Variants in NFKB2 observed in about 807,000 individuals in gnomAD.
NFKB2 encodes the protein nuclear factor NF-kappa-B p100 subunit.
Under a neutral mutation model 109.3 loss-of-function variants are expected in NFKB2, and 21 were observed. That is an observed-to-expected ratio of 0.19 (90% CI 0.14 to 0.28). The LOEUF (loss-of-function observed/expected upper bound fraction) is 0.28. Ranked by LOEUF, NFKB2 falls within the 10% of genes least tolerant of loss-of-function variation. The probability of loss-of-function intolerance (pLI) is 1.00; values close to 1 mark genes in which losing one functional copy is unlikely to be tolerated. For missense variants in NFKB2, 806 were observed against 1,185.3 expected (o/e 0.68, Z 4.70); for synonymous variants, 478 against 489.9 (o/e 0.98, Z 0.32).
At position 102,401,360 on chromosome 10, in the gene NFKB2, C is replaced by G; in HGVS notation, c.2223+29C>G. 6.2e-7 allele frequency: 1 copy of G among 1,609,510 alleles called. No homozygotes were observed. The highest frequency in any genetic ancestry group is 8.5e-7 in the Non-Finnish European group (1 of 1,177,136). On this transcript the variant is annotated intron_variant, in intron 19 of 22. Coordinates refer to ENST00000661543, the MANE Select transcript of NFKB2 (RefSeq NM_001322934.2). This position sits in a 1 kb window ranked among gnomAD's most constrained non-coding sequence, Gnocchi z 4.2. Reference sequence around the variant, plus strand: ...AGGCCAGCCCGGGACTAGAAGTGCTCTGAGTGACGGGGTCCAGAGTATCTG... The same window carrying G: ...AGGCCAGCCCGGGACTAGAAGTGCTGTGAGTGACGGGGTCCAGAGTATCTG...
Position 102,398,932 on chromosome 10 carries a change from G to T in NFKB2, c.1117+68G>T, listed in dbSNP as rs905117708. ...CTGTGGAGGAAAAAAATCTGGGGGA[G>T]GCCGGGCGTGGTGGCTCACGCCTGT... On this transcript the variant is annotated intron_variant, in intron 12 of 22. Transcript: ENST00000661543. The surrounding 1 kb of genome is among the most constrained non-coding windows in gnomAD (Gnocchi z 6.6). 4 of 1,518,746 alleles carry T rather than the reference G, an allele frequency of 2.6e-6. No homozygotes were observed. The highest frequency in any genetic ancestry group is 2.5e-5 in the South Asian group (2 of 80,288). The allele number at this position is 1,518,746 out of a possible 1,614,324, so 94.1% of individuals were successfully genotyped here.
Position 102,399,589 on chromosome 10 carries a change from A to G in NFKB2, c.1340A>G (p.Asn447Ser), listed in dbSNP as rs1209220432. The change falls in exon 14 of 23, where the codon AAC becomes AGC. Residue 447 changes from asparagine to serine, a missense_variant. This residue lies in a region of NFKB2 where 209 missense variants were observed against 211.9 expected (regional missense o/e 0.99). Transcript: ENST00000661543. ...PEMLQRAREY[N>S]ARLFGLAQRS... ...CTGTGGCCCGTAGCTCGAGAGTACA[A>G]CGCGCGCCTGTTCGGCCTGGCGCAG... 18 of 1,550,942 alleles carry G rather than the reference A, an allele frequency of 1.2e-5. No homozygotes were observed. In the South Asian group the frequency reaches 1.3e-4, roughly 11 times the overall value.
chr10:102,399,579 C>G lies in NFKB2; in HGVS notation c.1330C>G (p.Arg444Gly). The part of the protein sequence containing the change: ...PQAPEMLQRA[R>G]EYNARLFGLA... ...CCCACGCCCTCTGTGGCCCGTAGCT[C>G]GAGAGTACAACGCGCGCCTGTTCGG... Residue 444 changes from arginine to glycine, a missense_variant and splice_region_variant, in exon 14 of 23, where the codon CGA becomes GGA. Coordinates refer to ENST00000661543, the MANE Select transcript of NFKB2 (RefSeq NM_001322934.2). The G allele has an allele frequency of 6.4e-7, 1 of 1,550,730 alleles. No homozygotes were observed. Among genetic ancestry groups the G allele is most frequent in the Non-Finnish European group, 8.7e-7 (1 of 1,147,706 alleles).
In NFKB2 at chr10:102,401,693, C is replaced by A; in HGVS notation, c.2294-52C>A. ...AAAGGCAGTGTTCAGGTGTCCATGT[C>A]CCCACCCAACTCTGGAGGTAAATGA... On this transcript the variant is annotated intron_variant, in intron 20 of 22. Coordinates refer to ENST00000661543, the MANE Select transcript of NFKB2 (RefSeq NM_001322934.2). This position sits in a 1 kb window ranked among gnomAD's most constrained non-coding sequence, Gnocchi z 4.2. 6.4e-7 allele frequency: 1 copy of A among 1,558,910 alleles called. No individual in the cohort carries two copies. The highest frequency in any genetic ancestry group is 1.4e-5 in the African/African-American group (1 of 73,786).
In NFKB2 at chr10:102,401,896, C is replaced by T; in HGVS notation, c.2445C>T (p.Gly815=). The T allele has an allele frequency of 6.2e-7, 1 of 1,612,872 alleles. No individual in the cohort carries two copies. The highest frequency in any genetic ancestry group is 8.5e-7 in the Non-Finnish European group (1 of 1,179,498). Residue 815 remains glycine, a synonymous_variant, in exon 21 of 23, where the codon GGC becomes GGT. Transcript: ENST00000661543. This position sits in a 1 kb window ranked among gnomAD's most constrained non-coding sequence, Gnocchi z 4.2. Reference sequence around the variant, plus strand: ...ACCGACAGACAACCTCACCCAGTGGCAGCCTCCTGCGCAGCTACGAGGTGG... The same window carrying T: ...ACCGACAGACAACCTCACCCAGTGGTAGCCTCCTGCGCAGCTACGAGGTGG... The part of the protein sequence containing the change: ...DTYRQTTSPS[G]SLLRSYELAG...
At position 102,396,711 on chromosome 10, in the gene NFKB2, C is replaced by T; in HGVS notation, c.145-14C>T. The T allele has an allele frequency of 1.9e-6, 3 of 1,609,136 alleles. No homozygotes were observed. The highest frequency in any genetic ancestry group is 1.3e-5 in the African/African-American group (1 of 74,928). On this transcript the variant is annotated splice_polypyrimidine_tract_variant and intron_variant, in intron 4 of 22. Transcript: ENST00000661543. This position sits in a 1 kb window ranked among gnomAD's most constrained non-coding sequence, Gnocchi z 5.9. ...TTCCCTGATCACAATGCTACTATGC[C>T]CTTGGACCTTCAGAGAGGCTTCCGA...
rs759518899 is a variant in NFKB2 at position 102,402,093 on chromosome 10, A to T, written c.2512A>T (p.Met838Leu). The T allele has an allele frequency of 1.0e-5, 16 of 1,577,874 alleles. No homozygotes were observed. The highest frequency in any genetic ancestry group is 1.3e-5 in the African/African-American group (1 of 74,188). Residue 838 changes from methionine to leucine, a missense_variant, in exon 22 of 23, where the codon ATG becomes TTG. This residue lies in a region of NFKB2 where 211 missense variants were observed against 268.7 expected (regional missense o/e 0.79). Coordinates refer to ENST00000661543, the MANE Select transcript of NFKB2 (RefSeq NM_001322934.2). ...LAGLLEALSD[M>L]GLEEGVRLLR... ...AGGTCTACTGGAGGCCCTGTCTGAC[A>T]TGGGCCTAGAGGAGGGAGTGAGGCT... is the stretch of plus-strand genomic sequence containing the variant.
Position 102,398,956 on chromosome 10 carries a change from G to C in NFKB2, c.1117+92G>C. ...AGGCCGGGCGTGGTGGCTCACGCCT[G>C]TAATCCAGCCCTTTGGGAGGCCAAG... On this transcript the variant is annotated intron_variant, in intron 12 of 22. Transcript: ENST00000661543. This position sits in a 1 kb window ranked among gnomAD's most constrained non-coding sequence, Gnocchi z 6.6. The C allele has an allele frequency of 7.2e-7, 1 of 1,395,762 alleles. No individual in the cohort carries two copies. Among genetic ancestry groups the C allele is most frequent in the Non-Finnish European group, 9.7e-7 (1 of 1,026,690 alleles). 86.5% of individuals were successfully genotyped at this position (1,395,762 alleles called of 1,614,324 possible). A position where few individuals can be genotyped will look rare whatever the true frequency, so the allele number is the denominator to read the frequency against.
rs200872511 is a variant in NFKB2 at position 102,401,468 on chromosome 10, A to C, written c.2243A>C (p.Asn748Thr). ...CSTKVKTLLL[N>T]AAQNTMEPPL... ...CCCCAGGTGAAGACCTTGCTGCTAA[A>C]TGCTGCTCAGAACACCATGGAGCCA... is the stretch of plus-strand genomic sequence containing the variant. The change falls in exon 20 of 23, where the codon AAT (asparagine) becomes ACT (threonine). Residue 748 changes from asparagine to threonine, a missense_variant. Physicochemically the swap from Asn to Thr is moderately conservative, Grantham distance 65. Around this residue, in one of 10 missense-constraint regions of NFKB2, gnomAD observed 211 missense variants for 268.7 expected, o/e 0.79. Coordinates refer to ENST00000661543, the MANE Select transcript of NFKB2 (RefSeq NM_001322934.2). This position sits in a 1 kb window ranked among gnomAD's most constrained non-coding sequence, Gnocchi z 4.2. 1 of 1,613,844 alleles carries C rather than the reference A, an allele frequency of 6.2e-7. No individual in the cohort carries two copies. The highest frequency in any genetic ancestry group is 8.5e-7 in the Non-Finnish European group (1 of 1,179,950).
chr10:102,398,121 C>A lies in NFKB2; in HGVS notation c.766+36C>A. The A allele has an allele frequency of 1.9e-6, 3 of 1,612,662 alleles. No homozygotes were observed. Among genetic ancestry groups the A allele is most frequent in the African/African-American group, 2.7e-5 (2 of 74,992 alleles). ...AGCCCACTTTGGGCACCAAGGACAT[C>A]GAGTATAAGACTGGGGCCAGGGAAG... On this transcript the variant is annotated intron_variant, in intron 9 of 22. Transcript: ENST00000661543. The surrounding 1 kb of genome is among the most constrained non-coding windows in gnomAD (Gnocchi z 6.6).
intron 14 of NFKB2, 109 bp from the exon 15 acceptor site, chr10:102,399,971 C>A (rs577225300): frequency 3.8e-4 from 458 of 1,211,032 alleles, no homozygotes; most frequent in Non-Finnish European, 5.3e-4. Context: ...CCCTGGGCCA[C>A]GTGCTGGGTT....
rs750118212 is a variant in NFKB2 at position 102,398,560 on chromosome 10, G to A, written c.991+37G>A. The A allele has an allele frequency of 2.0e-5, 32 of 1,609,668 alleles. No homozygotes were observed. The African/African-American group carries it at 3.5e-4, about 17-fold the overall frequency. On this transcript the variant is annotated intron_variant, in intron 11 of 22. Transcript: ENST00000661543. The surrounding 1 kb of genome is among the most constrained non-coding windows in gnomAD (Gnocchi z 6.6). ...CTGAGGACCTCAGGGTGCTGGCGGG[G>A]GGCCAGGCTGGGCTAGAAGAAGGTC...
At position 102,396,955 on chromosome 10, in the gene NFKB2, A is replaced by G; in HGVS notation, c.295A>G (p.Ser99Gly). 1 of 1,613,226 alleles carries G rather than the reference A, an allele frequency of 6.2e-7. No homozygotes were observed. Among genetic ancestry groups the G allele is most frequent in the Non-Finnish European group, 8.5e-7 (1 of 1,179,270 alleles). Residue 99 changes from serine (S) to glycine (G), a missense_variant, in exon 6 of 23, where the codon AGT (serine) becomes GGT (glycine). Ser to Gly is a moderately conservative substitution (Grantham distance 56). This residue lies in a region of NFKB2 where 24 missense variants were observed against 105.2 expected (regional missense o/e 0.23). Transcript: ENST00000661543. This position sits in a 1 kb window ranked among gnomAD's most constrained non-coding sequence, Gnocchi z 5.9. ...GATCGAGGTGGACCTGGTAACACACAGTGACCCACCTCGTGCTCATGCCCA... is the reference window on the plus strand; with the variant it reads ...GATCGAGGTGGACCTGGTAACACACGGTGACCCACCTCGTGCTCATGCCCA... ...AKIEVDLVTH[S>G]DPPRAHAHSL...
upstream of NFKB2, chr10:102,394,585 C>G (rs557311396): frequency 6.5e-6 from 1 of 152,700 alleles, no homozygotes; most frequent in Admixed American, 6.5e-5. Context: ...AAGCCGCAAC[C>G]AGAGCCGCCG....
At position 102,400,597 on chromosome 10, in the gene NFKB2, C is replaced by T; in HGVS notation, c.1799-58C>T. The T allele has an allele frequency of 6.2e-7, 1 of 1,604,718 alleles. No homozygotes were observed. Among genetic ancestry groups the T allele is most frequent in the Non-Finnish European group, 8.5e-7 (1 of 1,173,962 alleles). On this transcript the variant is annotated intron_variant, in intron 16 of 22. Transcript: ENST00000661543. This position sits in a 1 kb window ranked among gnomAD's most constrained non-coding sequence, Gnocchi z 6.3. ...AGGTGTCGAGATTGAATGGTCAGGGCTGGTCCAGGGGCTGCCTTAAGGGTC... is the reference window on the plus strand; with the variant it reads ...AGGTGTCGAGATTGAATGGTCAGGGTTGGTCCAGGGGCTGCCTTAAGGGTC...
rs1334707348 is a variant in NFKB2 at position 102,402,381 on chromosome 10, C to T, written c.*5C>T. ...CCCCAGCCTCAGGTGCACTGACCTG[C>T]TGCCTGCCCCCAGCCCCCTTCCCGG... On this transcript the variant is annotated 3_prime_UTR_variant, in exon 23 of 23. Transcript: ENST00000661543. 8.6e-6 allele frequency: 13 copies of T among 1,516,400 alleles called. No homozygotes were observed. Among genetic ancestry groups the T allele is most frequent in the Non-Finnish European group, 1.1e-5 (12 of 1,128,512 alleles). 93.9% of individuals were successfully genotyped at this position (1,516,400 alleles called of 1,614,324 possible).
Position 102,396,444 on chromosome 10 carries a change from C to A in NFKB2, c.104-5C>A. 1.2e-6 allele frequency: 2 copies of A among 1,614,056 alleles called. No homozygotes were observed. Among genetic ancestry groups the A allele is most frequent in the Non-Finnish European group, 1.7e-6 (2 of 1,179,988 alleles). ...CGTGGCTCAGCAAGGTCTCTCTGTC[C>A]CCAGCTGATGGCCCCTACCTGGTGA... On this transcript the variant is annotated splice_region_variant and splice_polypyrimidine_tract_variant and intron_variant, in intron 3 of 22. Transcript: ENST00000661543. The surrounding 1 kb of genome is among the most constrained non-coding windows in gnomAD (Gnocchi z 5.9).
At position 102,400,324 on chromosome 10, in the gene NFKB2, G is replaced by C. The variant is rs1318060041; in HGVS notation, c.1631G>C (p.Ser544Thr). 6.2e-7 allele frequency: 1 copy of C among 1,614,020 alleles called. No individual in the cohort carries two copies. Among genetic ancestry groups the C allele is most frequent in the South Asian group, 1.1e-5 (1 of 91,084 alleles). ...AVITGQTSVV[S>T]FLLRVGADPA... Reference sequence around the variant, plus strand: ...ATCACGGGGCAGACGAGTGTGGTGAGCTTTCTGCTGCGGGTAGGTGCAGAC... The same window carrying C: ...ATCACGGGGCAGACGAGTGTGGTGACCTTTCTGCTGCGGGTAGGTGCAGAC... The change falls in exon 16 of 23, where the codon AGC becomes ACC. Residue 544 changes from serine to threonine, a missense_variant. Physicochemically the swap from Ser to Thr is moderately conservative, Grantham distance 58. This residue lies in a region of NFKB2 where 163 missense variants were observed against 207.1 expected (regional missense o/e 0.79). Coordinates refer to ENST00000661543, the MANE Select transcript of NFKB2 (RefSeq NM_001322934.2). The surrounding 1 kb of genome is among the most constrained non-coding windows in gnomAD (Gnocchi z 6.3).
At position 102,402,277 on chromosome 10, in the gene NFKB2, C is replaced by T. The variant is rs778242288; in HGVS notation, c.2604C>T (p.Tyr868=). The T allele has an allele frequency of 4.9e-5, 77 of 1,556,744 alleles. No individual in the cohort carries two copies. The highest frequency in any genetic ancestry group is 6.3e-5 in the Non-Finnish European group (73 of 1,150,054). The part of the protein sequence containing the change: ...STAEVKEDSA[Y]GSQSVEQEAE... ...CAGAGGTGAAGGAAGACAGTGCGTA[C>T]GGGAGCCAGTCAGTGGAGCAGGAGG... Residue 868 remains tyrosine (Y), a synonymous_variant, in exon 23 of 23, where the codon TAC becomes TAT. Coordinates refer to ENST00000661543, the MANE Select transcript of NFKB2 (RefSeq NM_001322934.2).
Sources: gnomAD v4.1 joint callset for allele counts on GRCh38, gnomAD v4.1.1 for gene constraint, gnomAD v4.1.1 regional missense constraint, Gnocchi (gnomAD v3.1) non-coding constraint, MANE v1.5 for transcripts, NCBI Gene and HGNC (gene_info 2026-07-23, HGNC 2026-07-21) for gene names.